The following CLDN14 variants were observed in gnomAD, a reference collection of about 807,000 sequenced individuals.
CLDN14 encodes the protein claudin-14.
A neutral mutation model predicts 2.1 loss-of-function variants in CLDN14; 2 were observed. That is an observed-to-expected ratio of 0.96 (90% CI 0.39 to 3.01). The LOEUF (loss-of-function observed/expected upper bound fraction) is 3.01. Ranked by LOEUF, CLDN14 falls within the 30% of genes most tolerant of loss-of-function variation. The pLI, the probability that CLDN14 is intolerant of heterozygous loss-of-function variation, is 0.09. For synonymous variants in CLDN14, 136 were observed against 154.4 expected, an observed-to-expected ratio of 0.88 and a Z score of 0.88; for missense variants, 298 against 328.0, an observed-to-expected ratio of 0.91 and a Z score of 0.71.
intron 1 of CLDN14, among the ~76,000 whole-genome samples, chr21:36,518,943 T>A (rs969391194): frequency 1.3e-5 from 2 of 152,200 alleles, no homozygotes; most frequent in Admixed American, 6.5e-5. Flanking sequence ...TTTTTCTTTT[T>A]CCTTCTGAAC....
At position 36,521,243 on chromosome 21, in the gene CLDN14, C is replaced by T. The variant is rs147037908; in HGVS notation, c.-219-10743G>A. On this transcript the variant is annotated intron_variant, in intron 1 of 2. Coordinates refer to the CLDN14 transcript ENST00000342108. Reference sequence around the variant, plus strand: ...AGCTCCTGGCAGGGTCCGAGGGTCCCGTCAAAGTGGCCAGTGGACTGCCCC... The same window carrying T: ...AGCTCCTGGCAGGGTCCGAGGGTCCTGTCAAAGTGGCCAGTGGACTGCCCC... Among the ~76,000 whole-genome samples, 84 of 152,252 alleles carry T rather than the reference C, an allele frequency of 5.5e-4. 1 individual carries two copies. In the East Asian group the frequency reaches 8.1e-3, roughly 15 times the overall value.
chr21:36,523,539 G>T (rs2087289299), intron 1 of CLDN14, among the ~76,000 whole-genome samples: 1 of 151,888 alleles, frequency 6.6e-6, no homozygotes, highest in Non-Finnish European at 1.5e-5. Context: ...TTGAAGCCAG[G>T]AGTTTGAGAC....
intron 1 of CLDN14, among the ~76,000 whole-genome samples, chr21:36,472,830 T>C (rs944171266): frequency 2.0e-5 from 3 of 152,122 alleles, no homozygotes; most frequent in South Asian, 2.1e-4. Context: ...ACGAATCTCA[T>C]TGTGAGGGCA....
At chr21:36,475,261 G>A (rs950593491) in intron 1 of CLDN14, among the ~76,000 whole-genome samples, 3 of 152,214 alleles carry the variant, frequency 2.0e-5, no homozygotes. Flanking sequence ...GGAAATATGC[G>A]TGCACACAAA....
At chr21:36,518,923 G>T (rs1264368768) in intron 1 of CLDN14, among the ~76,000 whole-genome samples, 4 of 152,164 alleles carry the variant, frequency 2.6e-5, no homozygotes, top group African/African-American at 7.2e-5. Context: ...CTCCCCGCTA[G>T]TAAAACCTAT....
At chr21:36,486,884 G>T in intron 2 of CLDN14, 1 of 677,524 alleles carries the variant, frequency 1.5e-6, no homozygotes, top group East Asian at 3.2e-5. Flanking sequence ...AGCTTGGACA[G>T]GATGCGGCCG....
chr21:36,509,314 C>G (rs991715679), intron 2 of CLDN14, among the ~76,000 whole-genome samples: 6 of 152,290 alleles, frequency 3.9e-5, no homozygotes, highest in South Asian at 2.1e-4. Context: ...GAATGGAAAG[C>G]AGGAGTGGCT....
intron 1 of CLDN14, among the ~76,000 whole-genome samples, chr21:36,513,170 G>A (rs960200820): frequency 1.3e-5 from 2 of 152,188 alleles, no homozygotes; most frequent in South Asian, 2.1e-4. Context: ...GTGGCACTTG[G>A]TCATGTGATG....
chr21:36,509,005 T>C (rs2087159097), intron 2 of CLDN14, among the ~76,000 whole-genome samples: 1 of 152,240 alleles, frequency 6.6e-6, no homozygotes, highest in Non-Finnish European at 1.5e-5. Flanking sequence ...TGGCCCTTTC[T>C]TCCTGCTGGG....
At chr21:36,503,148 G>A (rs1388774272) in intron 2 of CLDN14, among the ~76,000 whole-genome samples, 5 of 152,180 alleles carry the variant, frequency 3.3e-5, no homozygotes, top group African/African-American at 1.2e-4. Flanking sequence ...CTGCCTCCTA[G>A]GTTCAAGAGA....
upstream of CLDN14, among the ~76,000 whole-genome samples, chr21:36,483,106 G>C (rs1028541616): frequency 2.6e-5 from 4 of 152,204 alleles, no homozygotes; most frequent in African/African-American, 9.7e-5. Flanking sequence ...GCCTCACTTC[G>C]TGGGCTCCTA....
At chr21:36,563,965 C>A (rs1173243422) in intron 1 of CLDN14, among the ~76,000 whole-genome samples, 3 of 152,204 alleles carry the variant, frequency 2.0e-5, no homozygotes, top group African/African-American at 7.2e-5. Flanking sequence ...AGGAAACGTG[C>A]CCCTTCCCTA....
intron 2 of CLDN14, among the ~76,000 whole-genome samples, chr21:36,490,949 G>GACACACACAC (rs3030068): frequency 5.4e-5 from 8 of 148,858 alleles, no homozygotes; most frequent in African/African-American, 1.7e-4. Flanking sequence ...CAAGTGCACA[G>GACACACACAC]ACACACACAC....
At chr21:36,530,209 C>T (rs2087368343) in intron 1 of CLDN14, among the ~76,000 whole-genome samples, 1 of 151,650 alleles carries the variant, frequency 6.6e-6, no homozygotes, top group Non-Finnish European at 1.5e-5. Flanking sequence ...AGCTGTTTTT[C>T]AGATTTCATT....
intron 2 of CLDN14, among the ~76,000 whole-genome samples, chr21:36,491,505 T>G (rs974186384): frequency 6.6e-6 from 1 of 152,248 alleles, no homozygotes; most frequent in Admixed American, 6.5e-5. Flanking sequence ...TTTTTGGGTC[T>G]TTTCATGTTG....
chr21:36,521,593 T>G (rs545817102), intron 1 of CLDN14, among the ~76,000 whole-genome samples: 1 of 152,332 alleles, frequency 6.6e-6, no homozygotes, highest in East Asian at 1.9e-4. Context: ...GGGATTGTTT[T>G]GCCAAGGAAA....
At chr21:36,566,015 C>G (rs1014578907) in intron 1 of CLDN14, among the ~76,000 whole-genome samples, 3 of 152,168 alleles carry the variant, frequency 2.0e-5, no homozygotes, top group Non-Finnish European at 4.4e-5. Flanking sequence ...AGTTTGAAAA[C>G]CATTGAAACT....
intron 1 of CLDN14, among the ~76,000 whole-genome samples, chr21:36,513,452 G>A (rs968045233): frequency 4.6e-5 from 7 of 152,186 alleles, no homozygotes; most frequent in African/African-American, 1.7e-4. Context: ...ACCTACCCTG[G>A]AGCTGTCCTA....
At chr21:36,572,029 G>T (rs2087713541) in intron 1 of CLDN14, among the ~76,000 whole-genome samples, 1 of 152,152 alleles carries the variant, frequency 6.6e-6, no homozygotes, top group Non-Finnish European at 1.5e-5. Context: ...TCTAGCAACG[G>T]AATTGCCAAC....
Sources: allele counts gnomAD v4.1 joint callset (sites outside exome capture counted in the v4.1 genomes callset), GRCh38; gene constraint gnomAD v4.1.1; transcripts MANE v1.5; gene names NCBI Gene and HGNC (gene_info 2026-07-23, HGNC 2026-07-21).